Variants in HS3ST2 observed in about 807,000 individuals in gnomAD.
The protein encoded by HS3ST2 is heparan sulfate-glucosamine 3-sulfotransferase 2.
HS3ST2 carries 17 observed loss-of-function variants against 26.3 expected under a neutral mutation model. The ratio of observed to expected loss-of-function variants is 0.65; its 90% confidence interval spans 0.44 to 0.97. The LOEUF (loss-of-function observed/expected upper bound fraction) is 0.97. Among genes scored for constraint, HS3ST2 ranks in the 50% least tolerant of loss-of-function variants. HS3ST2 has a pLI of 0.00. For missense variants in HS3ST2, 402 were observed against 501.2 expected, an observed-to-expected ratio of 0.80 and a Z score of 1.89; for synonymous variants, 237 against 219.2, an observed-to-expected ratio of 1.08 and a Z score of -0.72.
intron 1 of HS3ST2, among the ~76,000 whole-genome samples, chr16:22,818,202 G>A (rs1402354117): frequency 6.6e-6 from 1 of 152,116 alleles, no homozygotes; most frequent in African/African-American, 2.4e-5. Context: ...CTAGCTGCTT[G>A]GACAGGTGGG....
intron 1 of HS3ST2, among the ~76,000 whole-genome samples, chr16:22,838,010 T>A (rs1314110943): frequency 1.3e-5 from 2 of 151,664 alleles, no homozygotes; most frequent in Non-Finnish European, 2.9e-5. Flanking sequence ...GGTAAAAAAT[T>A]GTTCTATGTA....
chr16:22,819,141 T>C (rs766742086), intron 1 of HS3ST2, among the ~76,000 whole-genome samples: 31 of 82,712 alleles, frequency 3.7e-4, no homozygotes, highest in African/African-American at 1.7e-3. Flanking sequence ...CATTCCTTCC[T>C]TCCTTCCTTC....
At chr16:22,895,475 A>G (rs1454790864) in intron 1 of HS3ST2, among the ~76,000 whole-genome samples, 1 of 152,144 alleles carries the variant, frequency 6.6e-6, no homozygotes, top group Non-Finnish European at 1.5e-5. Flanking sequence ...TTTCTACAGG[A>G]AGTAGAATCC....
intron 1 of HS3ST2, among the ~76,000 whole-genome samples, chr16:22,857,962 A>G (rs1273910281): frequency 6.6e-6 from 1 of 152,178 alleles, no homozygotes; most frequent in Non-Finnish European, 1.5e-5. Flanking sequence ...TAAGTAGGAT[A>G]GCTTTTGCGG....
chr16:22,849,185 G>A (rs1901486420), intron 1 of HS3ST2, among the ~76,000 whole-genome samples: 1 of 152,132 alleles, frequency 6.6e-6, no homozygotes, highest in Non-Finnish European at 1.5e-5. Context: ...CCACTCTCTG[G>A]CAGTTATGGC....
chr16:22,867,795 G>T (rs1439344324), intron 1 of HS3ST2, among the ~76,000 whole-genome samples: 2 of 152,176 alleles, frequency 1.3e-5, no homozygotes, highest in Non-Finnish European at 2.9e-5. Context: ...CACATCCAGG[G>T]TATGTTTTTA....
chr16:22,835,649 CT>C (rs1901244158), intron 1 of HS3ST2, among the ~76,000 whole-genome samples: 1 of 152,116 alleles, frequency 6.6e-6, no homozygotes, highest in African/African-American at 2.4e-5. Flanking sequence ...ACTAAGTAAC[CT>C]GTTTATATTG....
At chr16:22,864,737 TA>T (rs921143269) in intron 1 of HS3ST2, among the ~76,000 whole-genome samples, 1 of 151,938 alleles carries the variant, frequency 6.6e-6, no homozygotes. Flanking sequence ...GCTGCTGTTT[TA>T]AAAAGACAAA....
intron 1 of HS3ST2, among the ~76,000 whole-genome samples, chr16:22,868,961 G>A (rs1901794917): frequency 6.6e-6 from 1 of 152,004 alleles, no homozygotes; most frequent in South Asian, 2.1e-4. Context: ...AGAGTCTACA[G>A]GGGAATCACG....
At chr16:22,837,562 T>C (rs918322136) in intron 1 of HS3ST2, among the ~76,000 whole-genome samples, 4 of 136,598 alleles carry the variant, frequency 2.9e-5, no homozygotes, top group Non-Finnish European at 3.1e-5. Context: ...TATGTATATA[T>C]ATACATATAT....
chr16:22,819,489 G>T (rs1900956814), intron 1 of HS3ST2, among the ~76,000 whole-genome samples: 1 of 152,196 alleles, frequency 6.6e-6, no homozygotes, highest in African/African-American at 2.4e-5. Flanking sequence ...GGAAAGCTGA[G>T]ATATGTCTGA....
chr16:22,814,900 G>GCCTCTCCGGTTCCAA lies in HS3ST2; in HGVS notation c.293_307dup (p.Leu98_Asn102dup). On this transcript the variant is annotated inframe_insertion, in exon 1 of 2. Transcript: ENST00000261374. The stretch of plus-strand genomic sequence containing the variant: ...CCCGCCGCCGCCGTGCCCGCCCCTC[G>GCCTCTCCGGTTCCAA]CCTCTCCGGTTCCAACCACTCCGGC... The GCCTCTCCGGTTCCAA allele has an allele frequency of 6.3e-7, 1 of 1,578,170 alleles. No homozygotes were observed. Among genetic ancestry groups the GCCTCTCCGGTTCCAA allele is most frequent in the Non-Finnish European group, 8.6e-7 (1 of 1,162,788 alleles).
chr16:22,859,941 A>G (rs960607932), intron 1 of HS3ST2, among the ~76,000 whole-genome samples: 2 of 152,074 alleles, frequency 1.3e-5, no homozygotes, highest in African/African-American at 4.8e-5. Flanking sequence ...GCTCCCTGAC[A>G]TATTCCTCAA....
chr16:22,894,869 C>T (rs138332690), intron 1 of HS3ST2, among the ~76,000 whole-genome samples: 1 of 152,048 alleles, frequency 6.6e-6, no homozygotes, highest in Non-Finnish European at 1.5e-5. Context: ...AGCCTCCCTT[C>T]TTCCAAAAAT....
rs750220565 is a variant in HS3ST2 at position 22,814,790 on chromosome 16, C to G, written c.180C>G (p.Ser60Arg). 1 of 1,593,790 alleles carries G rather than the reference C, an allele frequency of 6.3e-7. No homozygotes were observed. The highest frequency in any genetic ancestry group is 1.7e-5 in the Admixed American group (1 of 57,736). Residue 60 changes from serine (S) to arginine (R), a missense_variant, in exon 1 of 2, where the codon AGC becomes AGG. Ser to Arg is a moderately radical substitution (Grantham distance 110). Coordinates refer to ENST00000261374, the MANE Select transcript of HS3ST2 (RefSeq NM_006043.2). ...CGCCTCGCTGCCTCCGCGGCCCCAG[C>G]GCGGGCGGCCAGAAACTTCTCCAGA... ...LGAPRCLRGP[S>R]AGGQKLLQKS...
chr16:22,833,108 C>T (rs1482562855), intron 1 of HS3ST2, among the ~76,000 whole-genome samples: 1 of 152,192 alleles, frequency 6.6e-6, no homozygotes, highest in Admixed American at 6.5e-5. Context: ...AGATGGGCCA[C>T]CAATGGTGTT....
At chr16:22,864,123 G>A (rs927950966) in intron 1 of HS3ST2, among the ~76,000 whole-genome samples, 1 of 152,148 alleles carries the variant, frequency 6.6e-6, no homozygotes, top group Non-Finnish European at 1.5e-5. Context: ...TTGATCTGTG[G>A]TTTGACTGGC....
intron 1 of HS3ST2, among the ~76,000 whole-genome samples, chr16:22,872,965 C>T (rs1901858839): frequency 6.6e-6 from 1 of 152,040 alleles, no homozygotes; most frequent in African/African-American, 2.4e-5. Flanking sequence ...CATGGCTCAA[C>T]CTCTCACCAG....
rs1169953763 is a variant in HS3ST2 at position 22,814,824 on chromosome 16, C to A, written c.214C>A (p.Pro72Thr). 6.3e-7 allele frequency: 1 copy of A among 1,576,534 alleles called. No individual in the cohort carries two copies. Among genetic ancestry groups the A allele is most frequent in the Non-Finnish European group, 8.6e-7 (1 of 1,162,112 alleles). Reference sequence around the variant, plus strand: ...CCAGAAACTTCTCCAGAAGTCCCGCCCCTGTGATCCCTCCGGGCCGACGCC... The same window carrying A: ...CCAGAAACTTCTCCAGAAGTCCCGCACCTGTGATCCCTCCGGGCCGACGCC... Reference protein sequence around the residue: ...GGQKLLQKSRPCDPSGPTPSE... With the variant: ...GGQKLLQKSRTCDPSGPTPSE... Residue 72 changes from proline to threonine, a missense_variant, in exon 1 of 2, where the codon CCC becomes ACC. By Grantham distance (38) the Pro-to-Thr change is conservative (BLOSUM62 -1). This residue lies in a region of HS3ST2 where 165 missense variants were observed against 154.6 expected (regional missense o/e 1.07). Transcript: ENST00000261374.
Sources: allele counts gnomAD v4.1 joint callset (sites outside exome capture counted in the v4.1 genomes callset), GRCh38; gene constraint gnomAD v4.1.1; regional missense constraint gnomAD v4.1.1; transcripts MANE v1.5; gene names NCBI Gene and HGNC (gene_info 2026-07-23, HGNC 2026-07-21).